DLGAP2: variants seen among roughly 807,000 people sequenced by gnomAD.
The protein encoded by DLGAP2 is DLG associated protein 2.
Under a neutral mutation model 100.3 loss-of-function variants are expected in DLGAP2, and 26 were observed. The ratio of observed to expected loss-of-function variants is 0.26; its 90% CI spans 0.19 to 0.36. The LOEUF is 0.36. DLGAP2 is among the 10% of genes least tolerant of loss of function. DLGAP2 has a pLI of 1.00. For synonymous variants in DLGAP2, 886 were observed against 630.1 expected (o/e 1.41, Z -6.08); for missense variants, 1,858 against 1,453.2 (o/e 1.28, Z -4.53).
At chr8:1,257,613 G>A (rs1342809294) in intron 2 of DLGAP2, among the ~76,000 whole-genome samples, 2 of 152,212 alleles carry the variant, frequency 1.3e-5, no homozygotes, top group African/African-American at 4.8e-5. Flanking sequence ...GCCCCGGGCT[G>A]TCACGCTGGA....
intron 1 of DLGAP2, among the ~76,000 whole-genome samples, chr8:816,019 G>C (rs1196962449): frequency 6.6e-6 from 1 of 152,116 alleles, no homozygotes; most frequent in Non-Finnish European, 1.5e-5. Flanking sequence ...TCTGATATAA[G>C]AGTAGTTACT....
At chr8:1,654,673 A>G (rs1018945106) in intron 8 of DLGAP2, among the ~76,000 whole-genome samples, 5 of 152,044 alleles carry the variant, frequency 3.3e-5, no homozygotes, top group Non-Finnish European at 7.4e-5. Context: ...AAAAAAAAAA[A>G]AAAAAAGAAT....
chr8:1,274,792 G>C (rs1473158275), intron 3 of DLGAP2, among the ~76,000 whole-genome samples: 1 of 143,084 alleles, frequency 7.0e-6, no homozygotes, highest in Non-Finnish European at 1.5e-5. Context: ...TGGATGTTTG[G>C]TATATAATTC....
intron 2 of DLGAP2, among the ~76,000 whole-genome samples, chr8:957,248 G>T (rs1266399397): frequency 6.6e-6 from 1 of 152,256 alleles, no homozygotes; most frequent in Non-Finnish European, 1.5e-5. Context: ...GGGACAGCCA[G>T]AGGCCCCTCC....
At chr8:879,964 C>G (rs1034950208) in intron 1 of DLGAP2, among the ~76,000 whole-genome samples, 1 of 152,174 alleles carries the variant, frequency 6.6e-6, no homozygotes, top group Admixed American at 6.5e-5. Context: ...GAGTCTGCAG[C>G]CTCCTTCTTT....
In DLGAP2 at chr8:1,238,220, GTGTCTAGTTCTCTCACATGGTGCCA is replaced by G. The variant is rs1446196727; in HGVS notation, c.74-20609_74-20585del. Among the ~76,000 whole-genome samples the G allele has an allele frequency of 4.3e-4, 11 of 25,518 alleles. 1 individual carries two copies. In the East Asian group the frequency reaches 8.5e-3, roughly 20 times the overall value. 16.7% of individuals were successfully genotyped at this position (25,518 alleles called of 152,430 possible). ...GTCTAGTTCTCTCTCACATGGCACC[GTGTCTAGTTCTCTCACATGGTGCCA>G]TGTCTAGTTCTCTCACATGGTACCG... On this transcript the variant is annotated intron_variant, in intron 2 of 14. Coordinates refer to ENST00000637795, the MANE Select transcript of DLGAP2 (RefSeq NM_001346810.2).
intron 2 of DLGAP2, among the ~76,000 whole-genome samples, chr8:1,107,542 G>A (rs912819803): frequency 1.3e-5 from 2 of 152,224 alleles, no homozygotes; most frequent in East Asian, 1.9e-4. Flanking sequence ...TGGGAAGCTC[G>A]TGTGCTGTTA....
rs1446831990 is a variant in DLGAP2, at chr8:1,437,592, C to G, written c.107-63774C>G. ...CGCTATCTGAGTGGTGAATTAATTC[C>G]TTTTGTGATTCCTAATTGTGTGAGG... On this transcript the variant is annotated intron_variant, in intron 3 of 14. Coordinates refer to ENST00000637795, the MANE Select transcript of DLGAP2 (RefSeq NM_001346810.2). Among the ~76,000 whole-genome samples, 6 of 152,098 alleles carry G rather than the reference C, an allele frequency of 3.9e-5. 1 individual carries two copies.
At chr8:1,576,573 G>A (rs553055023) in intron 6 of DLGAP2, among the ~76,000 whole-genome samples, 48 of 152,242 alleles carry the variant, frequency 3.2e-4, no homozygotes, top group African/African-American at 1.0e-3. Context: ...TAATGCCTAG[G>A]TTTTCTTCTA....
intron 1 of DLGAP2, among the ~76,000 whole-genome samples, chr8:823,915 C>T (rs1216974518): frequency 6.6e-6 from 1 of 152,224 alleles, no homozygotes; most frequent in Admixed American, 6.5e-5. Context: ...CCGTGACACA[C>T]AGCTATCCCT....
At chr8:912,026 A>G (rs1008459650) in intron 2 of DLGAP2, among the ~76,000 whole-genome samples, 8 of 152,230 alleles carry the variant, frequency 5.3e-5, no homozygotes, top group East Asian at 1.9e-4. Flanking sequence ...AGGCTGCACA[A>G]TTGGCGGGGT....
rs149004544 is a variant in DLGAP2 at position 980,152 on chromosome 8, C to G, written c.73+72186C>G. Among the ~76,000 whole-genome samples, 12 of 152,278 alleles carry G rather than the reference C, an allele frequency of 7.9e-5. No individual in the cohort carries two copies. The East Asian group carries it at 1.2e-3, about 15-fold the overall frequency. On this transcript the variant is annotated intron_variant, in intron 2 of 14. Transcript: ENST00000637795. ...AGGAGTGACTGAAGAGGAGACCTCT[C>G]AGGAGACAAATCTATAACTTGGAGG...
At chr8:1,523,608 G>A (rs775332503) in intron 4 of DLGAP2, among the ~76,000 whole-genome samples, 11 of 152,194 alleles carry the variant, frequency 7.2e-5, no homozygotes, top group Non-Finnish European at 1.3e-4. Flanking sequence ...CACATCTGGG[G>A]GCCTCTGGAT....
intron 3 of DLGAP2, among the ~76,000 whole-genome samples, chr8:1,276,259 A>G: frequency 6.6e-6 from 1 of 151,646 alleles, no homozygotes; most frequent in East Asian, 1.9e-4. Flanking sequence ...ATAACAACCT[A>G]AAAAATCATG....
In DLGAP2 at chr8:1,205,053, C is replaced by T. The variant is rs56702450; in HGVS notation, c.74-53798C>T. On this transcript the variant is annotated intron_variant, in intron 2 of 14. Transcript: ENST00000637795. ...CAGTCATTAGGGCTGGTCTCTGCATCATGGGGAACCGGAATGTGGTTGGGT... is the reference window on the plus strand; with the variant it reads ...CAGTCATTAGGGCTGGTCTCTGCATTATGGGGAACCGGAATGTGGTTGGGT... Among the ~76,000 whole-genome samples the T allele has an allele frequency of 4.6e-3, 695 of 152,290 alleles. 3 individuals carry two copies. Among genetic ancestry groups the T allele is most frequent in the African/African-American group, 0.016 (677 of 41,580 alleles).
At chr8:989,401 C>T (rs1018762792) in intron 2 of DLGAP2, among the ~76,000 whole-genome samples, 1 of 152,192 alleles carries the variant, frequency 6.6e-6, no homozygotes, top group Non-Finnish European at 1.5e-5. Flanking sequence ...ACCTTGCTTG[C>T]ACCTGAATCG....
At chr8:1,255,968 A>C (rs1211608593) in intron 2 of DLGAP2, among the ~76,000 whole-genome samples, 15 of 65,074 alleles carry the variant, frequency 2.3e-4, no homozygotes, top group Admixed American at 4.4e-4. Context: ...GTGCCCTCTC[A>C]TCCTGCGTGG....
intron 6 of DLGAP2, among the ~76,000 whole-genome samples, chr8:1,582,149 G>C (rs73174722): frequency 0.59 from 63,143 of 107,704 alleles, 19,066 homozygotes; most frequent in African/African-American, 0.81. Context: ...CCCCACACAT[G>C]TACACACCAC....
chr8:1,275,175 T>C (rs937141977), intron 3 of DLGAP2, among the ~76,000 whole-genome samples: 1 of 152,136 alleles, frequency 6.6e-6, no homozygotes, highest in African/African-American at 2.4e-5. Context: ...TCTGGAGTTA[T>C]TATGTATAAA....
Sources: allele counts gnomAD v4.1 joint callset (sites outside exome capture counted in the v4.1 genomes callset), GRCh38; gene constraint gnomAD v4.1.1; transcripts MANE v1.5; gene names NCBI Gene and HGNC (gene_info 2026-07-23, HGNC 2026-07-21).